DLG2: variants seen among roughly 807,000 people sequenced by gnomAD.
The protein encoded by DLG2 is disks large homolog 2.
Under a neutral mutation model 132.5 loss-of-function variants are expected in DLG2, and 45 were observed. The observed-to-expected ratio is 0.34, with a 90% CI of 0.27 to 0.44. DLG2 has a LOEUF of 0.44. Ranked by LOEUF, DLG2 falls within the 20% of genes least tolerant of loss-of-function variation. DLG2 has a pLI of 1.00. For missense variants in DLG2, 1,045 were observed against 1,196.9 expected (o/e 0.87, Z 1.87); for synonymous variants, 424 against 419.6 (o/e 1.01, Z -0.13).
At chr11:84,176,934 C>G (rs1057341121) in intron 8 of DLG2, among the ~76,000 whole-genome samples, 1 of 150,176 alleles carries the variant, frequency 6.7e-6, no homozygotes. Context: ...CTTTTCTTTT[C>G]TTTTATTTTC....
chr11:83,702,464 T>A (rs1158766622), intron 18 of DLG2, among the ~76,000 whole-genome samples: 1 of 152,204 alleles, frequency 6.6e-6, no homozygotes, highest in East Asian at 1.9e-4. Context: ...ACTGACACAG[T>A]TCTACAAATG....
intron 15 of DLG2, among the ~76,000 whole-genome samples, chr11:83,900,349 AG>A (rs2073067123): frequency 6.6e-6 from 1 of 152,220 alleles, no homozygotes; most frequent in Admixed American, 6.5e-5. Context: ...TTAATCCCTA[AG>A]AAAATGGGGG....
chr11:83,784,921 T>C (rs929398877), intron 18 of DLG2, among the ~76,000 whole-genome samples: 9 of 152,146 alleles, frequency 5.9e-5, no homozygotes, highest in Admixed American at 2.0e-4. Flanking sequence ...GTGAAGGACA[T>C]ACAGTTTGAG....
chr11:83,938,511 G>T (rs1374713302), intron 14 of DLG2, among the ~76,000 whole-genome samples: 1 of 152,186 alleles, frequency 6.6e-6, no homozygotes, highest in Non-Finnish European at 1.5e-5. Flanking sequence ...TAATTGAAAA[G>T]TTAGGCAGGT....
chr11:85,243,997 T>C (rs1453259790), intron 4 of DLG2, among the ~76,000 whole-genome samples: 1 of 151,932 alleles, frequency 6.6e-6, no homozygotes, highest in East Asian at 1.9e-4. Context: ...GAAGTTTCAA[T>C]GAAAAAAATA....
intron 26 of DLG2, among the ~76,000 whole-genome samples, chr11:83,464,606 C>T (rs1033373662): frequency 1.3e-5 from 2 of 152,202 alleles, no homozygotes; most frequent in Admixed American, 6.5e-5. Flanking sequence ...GCCTTTAGTA[C>T]ATTTAACTTT....
intron 3 of DLG2, among the ~76,000 whole-genome samples, chr11:85,518,371 G>A (rs77872532): frequency 0.045 from 6,794 of 152,238 alleles, 179 homozygotes; most frequent in Admixed American, 0.061. Context: ...TTGGGAACTG[G>A]AGCAAAGGTG....
At chr11:84,968,525 A>G (rs2053627335) in intron 6 of DLG2, among the ~76,000 whole-genome samples, 1 of 152,138 alleles carries the variant, frequency 6.6e-6, no homozygotes, top group Non-Finnish European at 1.5e-5. Context: ...GAGCCTTTTG[A>G]GGGTAATGGT....
intron 6 of DLG2, among the ~76,000 whole-genome samples, chr11:84,883,639 T>C (rs1296004377): frequency 6.6e-6 from 1 of 152,128 alleles, no homozygotes; most frequent in Non-Finnish European, 1.5e-5. Flanking sequence ...ATTCTAGCAG[T>C]TCAAATCCTT....
chr11:83,652,623 TG>T (rs1205763370), intron 18 of DLG2, among the ~76,000 whole-genome samples: 1 of 152,148 alleles, frequency 6.6e-6, no homozygotes, highest in African/African-American at 2.4e-5. Flanking sequence ...CTGCCTGCCC[TG>T]GCCTCCCACA....
chr11:85,618,022 G>A (rs142832575), intron 2 of DLG2, among the ~76,000 whole-genome samples: 53 of 152,210 alleles, frequency 3.5e-4, no homozygotes, highest in Admixed American at 4.6e-4. Flanking sequence ...CAGGAGAATC[G>A]TTTCATAATG....
At chr11:84,875,453 G>C (rs1183065223) in intron 6 of DLG2, among the ~76,000 whole-genome samples, 1 of 151,758 alleles carries the variant, frequency 6.6e-6, no homozygotes, top group East Asian at 1.9e-4. Flanking sequence ...CAGCCTATTA[G>C]GAGCTCAAGG....
chr11:84,845,195 A>T (rs1412389594), intron 6 of DLG2, among the ~76,000 whole-genome samples: 8 of 152,270 alleles, frequency 5.3e-5, no homozygotes, highest in African/African-American at 1.9e-4. Context: ...GATTCAGACA[A>T]CTAAATTTGA....
At chr11:84,852,138 T>A (rs2082237480) in intron 6 of DLG2, among the ~76,000 whole-genome samples, 3 of 152,022 alleles carry the variant, frequency 2.0e-5, no homozygotes, top group Non-Finnish European at 4.4e-5. Context: ...CTATAGCTGC[T>A]TCTTTTTATA....
At chr11:84,116,842 G>A (rs1365966211) in intron 9 of DLG2, among the ~76,000 whole-genome samples, 8 of 152,296 alleles carry the variant, frequency 5.3e-5, no homozygotes, top group East Asian at 1.9e-4. Flanking sequence ...CAAGTGAAAC[G>A]TGCATTGGCT....
chr11:83,530,023 C>T (rs2095698550), intron 21 of DLG2, among the ~76,000 whole-genome samples: 2 of 152,042 alleles, frequency 1.3e-5, no homozygotes, highest in African/African-American at 4.8e-5. Context: ...AGTTCTAGTC[C>T]TGTTTCTGGC....
At chr11:84,500,961 GAAA>G (rs967294246) in intron 7 of DLG2, among the ~76,000 whole-genome samples, 2 of 151,984 alleles carry the variant, frequency 1.3e-5, no homozygotes, top group African/African-American at 4.8e-5. Flanking sequence ...TCACTTATAT[GAAA>G]AAAAGTTGAT....
chr11:85,469,131 A>G (rs1269381907), intron 3 of DLG2, among the ~76,000 whole-genome samples: 5 of 152,230 alleles, frequency 3.3e-5, no homozygotes. Context: ...TATTTCTCTC[A>G]TATCCAATCC....
intron 18 of DLG2, among the ~76,000 whole-genome samples, chr11:83,764,770 G>T (rs1036156330): frequency 6.6e-6 from 1 of 152,132 alleles, no homozygotes; most frequent in Non-Finnish European, 1.5e-5. Context: ...TCTGTGCTTT[G>T]ATCACTTCAT....
Sources: gnomAD v4.1 joint callset for allele counts (sites outside exome capture counted in the v4.1 genomes callset) on GRCh38, gnomAD v4.1.1 for gene constraint, MANE v1.5 for transcripts, NCBI Gene and HGNC (gene_info 2026-07-23, HGNC 2026-07-21) for gene names.